The following GSN variants were observed in gnomAD, a reference collection of about 807,000 sequenced individuals.
GSN encodes the protein gelsolin.
Under a neutral mutation model 85.7 loss-of-function variants are expected in GSN, and 56 were observed. That is an observed-to-expected ratio of 0.65 (90% CI 0.53 to 0.82). The LOEUF (loss-of-function observed/expected upper bound fraction) is 0.82. Ranked by LOEUF, GSN falls within the 40% of genes least tolerant of loss-of-function variation. GSN has a pLI of 0.00. For synonymous variants in GSN, 373 were observed against 399.1 expected, an observed-to-expected ratio of 0.93 and a Z score of 0.78; for missense variants, 857 against 979.8, an observed-to-expected ratio of 0.87 and a Z score of 1.67.
chr9:121,240,418 A>G (rs2054581001), intron 5 of GSN, among the ~76,000 whole-genome samples: 1 of 152,230 alleles, frequency 6.6e-6, no homozygotes, highest in Non-Finnish European at 1.5e-5. Context: ...AAACCTAAGC[A>G]AAGAAAGAGA....
In GSN at chr9:121,332,212, C is replaced by A. The variant is rs775141614; in HGVS notation, c.2027-222C>A. ...AGCTTTATGAAGCAGGAGATTAAGC[C>A]GTAGCCCTGTTCCTTCCTGTGTTCC... On this transcript the variant is annotated intron_variant, in intron 17 of 17. Coordinates refer to ENST00000432226, the MANE Select transcript of GSN (RefSeq NM_198252.3). This position sits in a 1 kb window ranked among gnomAD's most constrained non-coding sequence, Gnocchi z 4.8. Among the ~76,000 whole-genome samples, 2 of 152,140 alleles carry A rather than the reference C, an allele frequency of 1.3e-5. No homozygotes were observed. Among genetic ancestry groups the A allele is most frequent in the African/African-American group, 4.8e-5 (2 of 41,436 alleles).
intron 6 of GSN, among the ~76,000 whole-genome samples, chr9:121,251,399 G>A (rs2054832731): frequency 6.6e-6 from 1 of 151,268 alleles, no homozygotes; most frequent in Admixed American, 6.6e-5. Context: ...GTTTCACCAT[G>A]TTGGCCAGGC....
intron 2 of GSN, 80 bp from the exon 3 acceptor site, chr9:121,301,883 A>G (rs2059905748): frequency 6.2e-7 from 1 of 1,607,000 alleles, no homozygotes; most frequent in East Asian, 2.2e-5. Context: ...TCTTGGTGCT[A>G]GAAACCGCCC....
At chr9:121,312,539 C>G (rs746245760) in intron 6 of GSN, 51 bp downstream of exon 6, 46 of 1,437,982 alleles carry the variant, frequency 3.2e-5, no homozygotes, top group South Asian at 1.3e-5. Flanking sequence ...CTGCTCATGA[C>G]TTTCTTCTGT....
intron 5 of GSN, among the ~76,000 whole-genome samples, chr9:121,234,489 G>A (rs967353975): frequency 6.6e-6 from 1 of 152,216 alleles, no homozygotes; most frequent in South Asian, 2.1e-4. Context: ...GGAGCCAGCT[G>A]CTCCTGGGTC....
At chr9:121,323,904 C>G (rs1443593463) in intron 11 of GSN, among the ~76,000 whole-genome samples, 1 of 152,126 alleles carries the variant, frequency 6.6e-6, no homozygotes, top group African/African-American at 2.4e-5. Flanking sequence ...ACACATTCAC[C>G]TGGTACAAAA....
At chr9:121,269,646 A>G (rs775405619) in intron 1 of GSN, among the ~76,000 whole-genome samples, 4 of 152,190 alleles carry the variant, frequency 2.6e-5, no homozygotes, top group Non-Finnish European at 5.9e-5. Flanking sequence ...TTCTGGGGCC[A>G]TGCTATTTAT....
At position 121,313,974 on chromosome 9, in the gene GSN, ACACCGCC is replaced by A; in HGVS notation, c.705_711del (p.Asp235GlufsTer39). The A allele has an allele frequency of 6.2e-7, 1 of 1,614,222 alleles. No individual in the cohort carries two copies. The highest frequency in any genetic ancestry group is 8.5e-7 in the Non-Finnish European group (1 of 1,180,032). The stretch of plus-strand genomic sequence containing the variant: ...CCGGCTCTGCCTGCAGGTACCGAGG[ACACCGCC>A]AAGGAGGATGCGGCCAACCGCAAGC... On this transcript the variant is annotated frameshift_variant, in exon 7 of 18. Transcript: ENST00000432226. LOFTEE classifies it high-confidence loss of function.
At chr9:121,281,122 G>A (rs1440709665) in intron 1 of GSN, 1 of 160,306 alleles carries the variant, frequency 6.2e-6, no homozygotes, top group Non-Finnish European at 1.4e-5. Flanking sequence ...AAGACTTGAG[G>A]GGCCCAGGAT....
upstream of GSN, among the ~76,000 whole-genome samples, chr9:121,263,931 C>A (rs2055142861): frequency 6.6e-6 from 1 of 150,626 alleles, no homozygotes; most frequent in African/African-American, 2.4e-5. Context: ...GAGAACTCAC[C>A]ATCATGAGAA....
chr9:121,220,726 T>G (rs1446272773), intron 4 of GSN, among the ~76,000 whole-genome samples: 4 of 152,228 alleles, frequency 2.6e-5, no homozygotes, highest in Non-Finnish European at 5.9e-5. Context: ...TTTCCAGTTG[T>G]TTCTAATATG....
rs561040446 is a variant in GSN, at chr9:121,240,296, CTG to C, written c.-388-7978_-388-7977del. On this transcript the variant is annotated intron_variant, in intron 5 of 24. Coordinates refer to the GSN transcript ENST00000373823. ...CATCCTAGAGGACAGGACTTCAACA[CTG>C]TTTTGTGTAGGGGTTGGGGATTCAA... Among the ~76,000 whole-genome samples, 686 of 152,340 alleles carry C rather than the reference CTG, an allele frequency of 4.5e-3. 9 individuals carry two copies. The highest frequency in any genetic ancestry group is 0.016 in the African/African-American group (656 of 41,576).
chr9:121,269,939 C>T (rs2055684543), intron 1 of GSN, among the ~76,000 whole-genome samples: 1 of 152,182 alleles, frequency 6.6e-6, no homozygotes, highest in Non-Finnish European at 1.5e-5. Flanking sequence ...GGCCAAAGAG[C>T]CTTGGAAGAG....
intron 7 of GSN, among the ~76,000 whole-genome samples, chr9:121,315,080 C>T (rs2061561297): frequency 6.6e-6 from 1 of 152,102 alleles, no homozygotes. Context: ...AGGCTGGTCT[C>T]AAACTCCTGG....
intron 1 of GSN, among the ~76,000 whole-genome samples, chr9:121,269,944 G>C (rs1248173859): frequency 1.3e-5 from 2 of 152,188 alleles, no homozygotes; most frequent in Non-Finnish European, 2.9e-5. Context: ...AAGAGCCTTG[G>C]AAGAGGACAG....
In GSN at chr9:121,242,543, C is replaced by T. The variant is rs2054625074; in HGVS notation, c.-388-5733C>T. Among the ~76,000 whole-genome samples, 5 of 152,140 alleles carry T rather than the reference C, an allele frequency of 3.3e-5. No homozygotes were observed. The South Asian group carries it at 8.3e-4, about 25-fold the overall frequency. On this transcript the variant is annotated intron_variant, in intron 5 of 24. Coordinates refer to the GSN transcript ENST00000373823. ...CACAGTGGATGGTTCCTTAGAGAGT[C>T]TGGTCCAAGGTTTTTAACTTTTATA...
intron 7 of GSN, among the ~76,000 whole-genome samples, chr9:121,316,177 T>C (rs2061683540): frequency 6.6e-6 from 1 of 152,220 alleles, no homozygotes; most frequent in African/African-American, 2.4e-5. Flanking sequence ...ACTCTTAAGA[T>C]AGAACTTTTT....
chr9:121,324,745 CT>C, intron 12 of GSN, 101 bp downstream of exon 12: 1 of 703,460 alleles, frequency 1.4e-6, no homozygotes, highest in South Asian at 1.5e-5. Context: ...GTCCATCTGT[CT>C]GTCTGTCCAT....
At chr9:121,293,061 CTTTG>C (rs1346590819) in intron 2 of GSN, among the ~76,000 whole-genome samples, 1 of 152,174 alleles carries the variant, frequency 6.6e-6, no homozygotes, top group Non-Finnish European at 1.5e-5. Context: ...CACAGAAGGG[CTTTG>C]TTTGAAGCCA....
Sources: allele counts gnomAD v4.1 joint callset (sites outside exome capture counted in the v4.1 genomes callset), GRCh38; gene constraint gnomAD v4.1.1; non-coding constraint Gnocchi (gnomAD v3.1); transcripts MANE v1.5; gene names NCBI Gene and HGNC (gene_info 2026-07-23, HGNC 2026-07-21).